FAM149A: variants seen among roughly 807,000 people sequenced by gnomAD.
FAM149A encodes the protein family with sequence similarity 149 member A.
In FAM149A, 71 loss-of-function variants were observed where a neutral mutation model predicts 78.2. The ratio of observed to expected loss-of-function variants is 0.91; its 90% CI spans 0.75 to 1.11. The LOEUF (loss-of-function observed/expected upper bound fraction) is 1.11. FAM149A is among the 50% of genes least tolerant of loss of function. The pLI is 0.00. For missense variants in FAM149A, 1,036 were observed against 971.0 expected, an observed-to-expected ratio of 1.07 and a Z score of -0.89; for synonymous variants, 446 against 410.5, an observed-to-expected ratio of 1.09 and a Z score of -1.04.
intron 1 of FAM149A, among the ~76,000 whole-genome samples, chr4:186,129,186 TATGAGTGTGC>T (rs1157618063): frequency 3.9e-5 from 6 of 152,078 alleles, no homozygotes; most frequent in Non-Finnish European, 5.9e-5. Context: ...TGTGTCTGTG[TATGAGTGTGC>T]ATGTGTGTGT....
intron 1 of FAM149A, among the ~76,000 whole-genome samples, chr4:186,120,820 C>T (rs1579792721): frequency 7.5e-6 from 1 of 132,840 alleles, no homozygotes; most frequent in African/African-American, 2.7e-5. Flanking sequence ...AGTTAGTAAT[C>T]TAAAAGTATC....
chr4:186,162,810 CTTTTTTT>C, intron 8 of FAM149A, 28 bp from the exon 9 acceptor site: 77 of 561,752 alleles, frequency 1.4e-4, no homozygotes, highest in Admixed American at 1.9e-4. Flanking sequence ...ATTTGTAATT[CTTTTTTT>C]TTTTTTTTTT....
At chr4:186,156,945 C>T (rs890431112) in intron 7 of FAM149A, among the ~76,000 whole-genome samples, 4 of 152,280 alleles carry the variant, frequency 2.6e-5, no homozygotes, top group East Asian at 1.9e-4. Flanking sequence ...GGCAACAAAG[C>T]GAGACCATCT....
chr4:186,159,698 T>C (rs1255806184), intron 8 of FAM149A, among the ~76,000 whole-genome samples: 2 of 152,066 alleles, frequency 1.3e-5, no homozygotes, highest in African/African-American at 2.4e-5. Flanking sequence ...GAGCGCGTAA[T>C]AAATTTTTCT....
At position 186,174,391 on chromosome 4, in the gene FAM149A, G is replaced by A. The variant is rs1294962120; in HGVS notation, c.*2404G>A. ...GATAATGACTTCCAGCTCCAGCCAT[G>A]CCTCTGCAAAGGACATAATCTCATT... On this transcript the variant is annotated 3_prime_UTR_variant, in exon 14 of 14. Coordinates refer to ENST00000389354, the MANE Select transcript of FAM149A (RefSeq NM_001367768.3). 2.7e-5 allele frequency among the ~76,000 whole-genome samples: 3 copies of A among 111,144 alleles called. No individual in the cohort carries two copies. The highest frequency in any genetic ancestry group is 8.5e-5 in the African/African-American group (3 of 35,360). 72.9% of individuals were successfully genotyped at this position (111,144 alleles called of 152,430 possible).
chr4:186,170,401 C>A (rs1357073599), intron 13 of FAM149A, among the ~76,000 whole-genome samples: 1 of 152,210 alleles, frequency 6.6e-6, no homozygotes, highest in Non-Finnish European at 1.5e-5. Context: ...GCATAACAAG[C>A]CTCAACATAT....
chr4:186,169,121 A>T (rs888717687), intron 13 of FAM149A: 1 of 855,140 alleles, frequency 1.2e-6, no homozygotes, highest in African/African-American at 1.8e-5. Flanking sequence ...TTGGAGTGGG[A>T]ATTGGGTTCT....
At chr4:186,154,443 T>A in intron 5 of FAM149A, 25 bp from the exon 6 acceptor site, 1 of 1,590,514 alleles carries the variant, frequency 6.3e-7, no homozygotes, top group African/African-American at 1.3e-5. Context: ...TAAACTCCCA[T>A]GTAGAATCTG....
intron 3 of FAM149A, among the ~76,000 whole-genome samples, chr4:186,151,424 A>G (rs954264940): frequency 1.3e-5 from 2 of 152,142 alleles, no homozygotes; most frequent in African/African-American, 4.8e-5. Context: ...TCATTGATTT[A>G]AGGAGATTAA....
chr4:186,163,851 C>T (rs538538002), intron 10 of FAM149A, among the ~76,000 whole-genome samples: 19 of 152,290 alleles, frequency 1.2e-4, no homozygotes, highest in African/African-American at 4.1e-4. Context: ...GTCACACAGG[C>T]GGAATGAGCC....
chr4:186,163,362 C>T (rs1005157297), intron 9 of FAM149A, 62 bp from the exon 10 acceptor site: 7 of 1,354,594 alleles, frequency 5.2e-6, no homozygotes, highest in Non-Finnish European at 7.4e-6. Flanking sequence ...TAAGCACAGA[C>T]AGGTGCGTTC....
intron 8 of FAM149A, among the ~76,000 whole-genome samples, chr4:186,161,895 G>A (rs1178757542): frequency 1.3e-5 from 2 of 152,068 alleles, no homozygotes; most frequent in Non-Finnish European, 2.9e-5. Flanking sequence ...TCTAAATATG[G>A]TTATTTGAAA....
At chr4:186,125,407 G>A in intron 1 of FAM149A, 1 of 881,744 alleles carries the variant, frequency 1.1e-6, no homozygotes, top group Non-Finnish European at 1.4e-6. Context: ...AGCAGCCCTA[G>A]GCAGCCCCAC....
intron 13 of FAM149A, chr4:186,169,799 G>A (rs1735378830): frequency 1.0e-6 from 1 of 985,414 alleles, no homozygotes; most frequent in South Asian, 4.7e-5. Flanking sequence ...CTTAACTCAT[G>A]TAGGACCCAG....
chr4:186,117,479 G>A, intron 1 of FAM149A: 2 of 985,426 alleles, frequency 2.0e-6, no homozygotes, highest in Non-Finnish European at 2.4e-6. Context: ...AGATGATGCT[G>A]AACGAGGGGC....
chr4:186,154,805 G>A (rs886120697), intron 6 of FAM149A, 167 bp downstream of exon 6: 2 of 985,216 alleles, frequency 2.0e-6, no homozygotes, highest in Non-Finnish European at 2.4e-6. Flanking sequence ...TTCCTAGCCA[G>A]CGGTGCACGT....
At position 186,163,621 on chromosome 4, in the gene FAM149A, G is replaced by A. The variant is rs771546761; in HGVS notation, c.1877G>A (p.Arg626Gln). 8 of 1,613,290 alleles carry A rather than the reference G, an allele frequency of 5.0e-6. No individual in the cohort carries two copies. In the East Asian group the frequency reaches 8.9e-5, roughly 18 times the overall value. ...AACATCTATAGTGACGAAGTTCTTC[G>A]GGGAACAAAACTGTGAGTCTCATTT... is the stretch of plus-strand genomic sequence containing the variant. The change falls in exon 10 of 14, where the codon CGG becomes CAG. Residue 626 changes from arginine to glutamine, a missense_variant. Physicochemically the swap from Arg to Gln is conservative, Grantham distance 43. This residue lies in a region of FAM149A where 716 missense variants were observed against 711.8 expected (regional missense o/e 1.01). Coordinates refer to ENST00000389354, the MANE Select transcript of FAM149A (RefSeq NM_001367768.3).
At chr4:186,169,613 T>C in intron 13 of FAM149A, 1 of 985,294 alleles carries the variant, frequency 1.0e-6, no homozygotes. Flanking sequence ...CACGATCTAA[T>C]AGGACATTCA....
intron 1 of FAM149A, among the ~76,000 whole-genome samples, chr4:186,136,805 T>G (rs1467883168): frequency 6.6e-6 from 1 of 152,218 alleles, no homozygotes; most frequent in Non-Finnish European, 1.5e-5. Flanking sequence ...CAAGCCAGGC[T>G]GCCCACAGCC....
Sources: allele counts gnomAD v4.1 joint callset (sites outside exome capture counted in the v4.1 genomes callset), GRCh38; gene constraint gnomAD v4.1.1; regional missense constraint gnomAD v4.1.1; transcripts MANE v1.5; gene names NCBI Gene and HGNC (gene_info 2026-07-23, HGNC 2026-07-21).